The following RPS27A variants were observed in gnomAD, a reference collection of about 807,000 sequenced individuals.
RPS27A encodes ubiquitin-ribosomal protein eS31 fusion protein.
Under a neutral mutation model 18.9 loss-of-function variants are expected in RPS27A, and 1 was observed. That is an observed-to-expected ratio of 0.05 (90% confidence interval 0.02 to 0.25). The LOEUF is 0.25. Ranked by LOEUF, RPS27A falls within the 10% of genes least tolerant of loss-of-function variation. RPS27A has a pLI of 1.00. For synonymous variants in RPS27A, 77 were observed against 63.7 expected (o/e 1.21, Z -0.99); for missense variants, 123 against 187.4 (o/e 0.66, Z 2.01).
At position 55,233,007 on chromosome 2, in the gene RPS27A, A is replaced by T. The variant is rs1675560155; in HGVS notation, c.48+135A>T. 3 of 795,180 alleles carry T rather than the reference A, an allele frequency of 3.8e-6. No individual in the cohort carries two copies. The East Asian group carries it at 8.0e-5, about 21-fold the overall frequency. 49.3% of individuals were successfully genotyped at this position (795,180 alleles called of 1,614,324 possible). On this transcript the variant is annotated intron_variant, in intron 2 of 5. Coordinates refer to ENST00000272317, the MANE Select transcript of RPS27A (RefSeq NM_002954.6). The stretch of plus-strand genomic sequence containing the variant: ...CTAAAACTTAAGCTTTGAAATGAGT[A>T]CCTTTTGCTGAGCAACGACCTAGAG...
At chr2:55,234,475 C>A in intron 4 of RPS27A, 5 of 559,670 alleles carry the variant, frequency 8.9e-6, no homozygotes. Context: ...GCTGGGATTA[C>A]AGACGTGAGC....
At position 55,235,653 on chromosome 2, in the gene RPS27A, C is replaced by T. The variant is rs575619466; in HGVS notation, c.*76C>T. 2 of 1,496,824 alleles carry T rather than the reference C, an allele frequency of 1.3e-6. No individual in the cohort carries two copies. Among genetic ancestry groups the T allele is most frequent in the East Asian group, 2.3e-5 (1 of 44,380 alleles). 92.7% of individuals were successfully genotyped at this position (1,496,824 alleles called of 1,614,324 possible). ...TGCAGTAAAAAGAATGGTTTTTAAG[C>T]ACCAAATTGATGGTCACACCATTTC... On this transcript the variant is annotated 3_prime_UTR_variant, in exon 6 of 6. Transcript: ENST00000272317.
chr2:55,233,945 T>TA (rs1307392185), intron 3 of RPS27A, 174 bp from the exon 4 acceptor site: 9 of 668,774 alleles, frequency 1.3e-5, no homozygotes, highest in Non-Finnish European at 2.5e-5. Context: ...TTGTCCCTAA[T>TA]ATTAAATGCG....
chr2:55,235,631 A>C lies in RPS27A; in HGVS notation c.*54A>C. 2 of 1,586,020 alleles carry C rather than the reference A, an allele frequency of 1.3e-6. No individual in the cohort carries two copies. The highest frequency in any genetic ancestry group is 2.2e-5 in the East Asian group (1 of 44,800). The stretch of plus-strand genomic sequence containing the variant: ...AACATTTATTGTTGGGTTTTATTGC[A>C]GTAAAAAGAATGGTTTTTAAGCACC... On this transcript the variant is annotated 3_prime_UTR_variant, in exon 6 of 6. Transcript: ENST00000272317.
rs909127851 is a variant in RPS27A, at chr2:55,234,045, G to A, written c.104-74G>A. Reference sequence around the variant, plus strand: ...TTTAGTATCATGTATTTGATTAAGGGGTGTTACCTTATAAGTCTGGAGCAC... The same window carrying A: ...TTTAGTATCATGTATTTGATTAAGGAGTGTTACCTTATAAGTCTGGAGCAC... On this transcript the variant is annotated intron_variant, in intron 3 of 5. Transcript: ENST00000272317. The A allele has an allele frequency of 3.2e-5, 29 of 912,872 alleles. No homozygotes were observed. In the African/African-American group the frequency reaches 4.1e-4, roughly 13 times the overall value. The allele number at this position is 912,872 out of a possible 1,614,324, so 56.5% of individuals were successfully genotyped here. A position where few individuals can be genotyped will look rare whatever the true frequency, so the allele number is the denominator to read the frequency against.
upstream of RPS27A, chr2:55,232,568 A>G (rs553777922): frequency 2.2e-3 from 1,280 of 572,526 alleles, 2 homozygotes; most frequent in Middle Eastern, 9.1e-3. Context: ...TTCACGTCCT[A>G]GTCTGGCACC....
chr2:55,235,335 TAC>T lies in RPS27A; in HGVS notation c.322-89_322-88del. ...TTGTAAGCACCAAAACCACCAGTATTACACAGTTAAAAGCTTAAATATTTTGA... is the reference window on the plus strand; with the variant it reads ...TTGTAAGCACCAAAACCACCAGTATTACAGTTAAAAGCTTAAATATTTTGA... On this transcript the variant is annotated intron_variant, in intron 5 of 5. Coordinates refer to ENST00000272317, the MANE Select transcript of RPS27A (RefSeq NM_002954.6). 2.8e-6 allele frequency: 4 copies of T among 1,403,812 alleles called. 1 individual carries two copies. In the South Asian group the frequency reaches 3.5e-5, roughly 12 times the overall value. The allele number at this position is 1,403,812 out of a possible 1,614,324, so 87.0% of individuals were successfully genotyped here.
chr2:55,235,395 A>C, intron 5 of RPS27A, 33 bp from the exon 6 acceptor site: 2 of 1,610,904 alleles, frequency 1.2e-6, no homozygotes, highest in South Asian at 2.2e-5. Flanking sequence ...ATGTGTTGTA[A>C]AATTATCTTA....
upstream of RPS27A, chr2:55,232,487 C>A (rs770386810): frequency 4.8e-6 from 2 of 415,934 alleles, no homozygotes; most frequent in African/African-American, 2.0e-5. Flanking sequence ...GTTGCTTAAA[C>A]CTACAGTTTC....
chr2:55,232,237 T>G (rs17046778), upstream of RPS27A: 25,130 of 179,762 alleles, frequency 0.14, 2,092 homozygotes, highest in East Asian at 0.27. Flanking sequence ...AGTCCTCACC[T>G]GAGTCCTTTT....
chr2:55,232,882 G>T lies in RPS27A; in HGVS notation c.48+10G>T. ...GACCATCACCCTCGAGGTACGGGCC[G>T]GGTGGTCATGAGGAAGCCAAGGTCC... On this transcript the variant is annotated intron_variant, in intron 2 of 5. Transcript: ENST00000272317. 6.2e-7 allele frequency: 1 copy of T among 1,611,026 alleles called. No homozygotes were observed. Among genetic ancestry groups the T allele is most frequent in the South Asian group, 1.1e-5 (1 of 90,342 alleles).
In RPS27A at chr2:55,235,646, T is replaced by C; in HGVS notation, c.*69T>C. On this transcript the variant is annotated 3_prime_UTR_variant, in exon 6 of 6. Coordinates refer to ENST00000272317, the MANE Select transcript of RPS27A (RefSeq NM_002954.6). Reference sequence around the variant, plus strand: ...GTTTTATTGCAGTAAAAAGAATGGTTTTTAAGCACCAAATTGATGGTCACA... The same window carrying C: ...GTTTTATTGCAGTAAAAAGAATGGTCTTTAAGCACCAAATTGATGGTCACA... 1 of 1,538,226 alleles carries C rather than the reference T, an allele frequency of 6.5e-7. No homozygotes were observed. Among genetic ancestry groups the C allele is most frequent in the Non-Finnish European group, 8.9e-7 (1 of 1,125,944 alleles).
rs371677578 is a variant in RPS27A at position 55,234,938 on chromosome 2, G to A, written c.297G>A (p.Lys99=). 1.9e-6 allele frequency: 3 copies of A among 1,613,174 alleles called. No homozygotes were observed. The highest frequency in any genetic ancestry group is 2.7e-5 in the African/African-American group (2 of 74,930). Residue 99 remains lysine (K), a synonymous_variant, in exon 5 of 6, where the codon AAG becomes AAA. Transcript: ENST00000272317. ...KKNKHKRKKV[K]LAVLKYYKVD... is the part of the protein sequence containing the mutation. ...ATAAGCACAAGAGAAAGAAGGTTAAGCTGGCTGTCCTGAAATATTATAAGG... is the reference window on the plus strand; with the variant it reads ...ATAAGCACAAGAGAAAGAAGGTTAAACTGGCTGTCCTGAAATATTATAAGG...
intron 4 of RPS27A, 154 bp from the exon 5 acceptor site, chr2:55,234,677 G>A: frequency 1.2e-6 from 1 of 835,506 alleles, no homozygotes; most frequent in South Asian, 1.5e-5. Context: ...TAAACTGTCA[G>A]TTAAGAATCT....
At chr2:55,233,249 C>G (rs1283391185) in intron 2 of RPS27A, 114 bp from the exon 3 acceptor site, 2 of 897,380 alleles carry the variant, frequency 2.2e-6, no homozygotes, top group Non-Finnish European at 3.7e-6. Flanking sequence ...ATAGGTCTCT[C>G]GAGTAGGTCT....
intron 4 of RPS27A, chr2:55,234,405 A>G: frequency 1.7e-6 from 1 of 601,558 alleles, no homozygotes; most frequent in Non-Finnish European, 3.0e-6. Context: ...ACCCGCCACC[A>G]TGCCCAGGCT....
chr2:55,234,104 G>C lies in RPS27A; in HGVS notation c.104-15G>C. The C allele has an allele frequency of 1.2e-6, 2 of 1,605,958 alleles. No homozygotes were observed. Among genetic ancestry groups the C allele is most frequent in the Non-Finnish European group, 1.7e-6 (2 of 1,172,698 alleles). On this transcript the variant is annotated splice_polypyrimidine_tract_variant and intron_variant, in intron 3 of 5. Coordinates refer to ENST00000272317, the MANE Select transcript of RPS27A (RefSeq NM_002954.6). Reference sequence around the variant, plus strand: ...CTTGGTGTGCTGTGACTTAATTTTTGTTTTTTGTCATTAGGAATTCCTCCT... The same window carrying C: ...CTTGGTGTGCTGTGACTTAATTTTTCTTTTTTGTCATTAGGAATTCCTCCT...
intron 2 of RPS27A, 65 bp from the exon 3 acceptor site, chr2:55,233,298 A>G: frequency 7.4e-7 from 1 of 1,356,320 alleles, no homozygotes; most frequent in East Asian, 2.3e-5. Flanking sequence ...TAATTGTCAA[A>G]CTAAATGAGT....
chr2:55,233,056 G>C lies in RPS27A; in HGVS notation c.48+184G>C, dbSNP rs986272993. The C allele has an allele frequency of 7.3e-6, 5 of 685,160 alleles. No individual in the cohort carries two copies. In the Admixed American group the frequency reaches 1.1e-4, roughly 15 times the overall value. The allele number at this position is 685,160 out of a possible 1,614,324, so 42.4% of individuals were successfully genotyped here. On this transcript the variant is annotated intron_variant, in intron 2 of 5. Coordinates refer to ENST00000272317, the MANE Select transcript of RPS27A (RefSeq NM_002954.6). ...AGGTGATTTTCGGTGGCCAAAGGCT[G>C]GACCTGTCTCCTCTCGAGGGGTTCC... is the stretch of plus-strand genomic sequence containing the variant.
Sources: allele counts gnomAD v4.1 joint callset, GRCh38; gene constraint gnomAD v4.1.1; transcripts MANE v1.5; gene names NCBI Gene and HGNC (gene_info 2026-07-23, HGNC 2026-07-21).